Variants in GTF2E1 observed in about 807,000 individuals in gnomAD.
GTF2E1 encodes TFIIE alpha subunit.
Under a neutral mutation model 34.9 loss-of-function variants are expected in GTF2E1, and 14 were observed. The ratio of observed to expected loss-of-function variants is 0.40; its 90% CI spans 0.27 to 0.63. The LOEUF (loss-of-function observed/expected upper bound fraction) is 0.63, where lower values mean the gene tolerates loss of function less well. GTF2E1 is among the 20% of genes least tolerant of loss of function. The pLI, the probability that GTF2E1 is intolerant of heterozygous loss-of-function variation, is 0.39. For synonymous variants in GTF2E1, 188 were observed against 192.9 expected, an observed-to-expected ratio of 0.97 and a Z score of 0.21; for missense variants, 469 against 557.7, an observed-to-expected ratio of 0.84 and a Z score of 1.60.
At chr3:120,760,343 T>A (rs1277380473) in intron 2 of GTF2E1, among the ~76,000 whole-genome samples, 1 of 152,088 alleles carries the variant, frequency 6.6e-6, no homozygotes. Flanking sequence ...AACGATGGAG[T>A]TTTCTAAATA....
chr3:120,764,850 T>G (rs1361071083), intron 2 of GTF2E1, among the ~76,000 whole-genome samples: 1 of 152,146 alleles, frequency 6.6e-6, no homozygotes. Context: ...ATAATTACAG[T>G]GAGTAACATG....
chr3:120,751,432 T>C (rs1709164035), intron 2 of GTF2E1, among the ~76,000 whole-genome samples: 1 of 152,178 alleles, frequency 6.6e-6, no homozygotes. Flanking sequence ...GGGGAAGGCC[T>C]CTGGAAGAAG....
chr3:120,746,207 G>T (rs1353679078), intron 1 of GTF2E1, among the ~76,000 whole-genome samples: 1 of 152,122 alleles, frequency 6.6e-6, no homozygotes, highest in East Asian at 1.9e-4. Flanking sequence ...AAATAAAAGG[G>T]TTAGTTGAAA....
chr3:120,776,701 G>T (rs1378295903), intron 4 of GTF2E1, 37 bp downstream of exon 4: 15 of 1,578,682 alleles, frequency 9.5e-6, no homozygotes, highest in Non-Finnish European at 1.3e-5. Context: ...TGTGTCTTAG[G>T]TTCTGTAGAA....
intron 2 of GTF2E1, among the ~76,000 whole-genome samples, chr3:120,758,664 G>A (rs978912440): frequency 3.9e-5 from 6 of 152,032 alleles, no homozygotes; most frequent in African/African-American, 1.2e-4. Context: ...GAGTGAGAAC[G>A]TGAGGTGTTT....
At chr3:120,768,745 C>T (rs1709328550) in intron 2 of GTF2E1, among the ~76,000 whole-genome samples, 1 of 152,252 alleles carries the variant, frequency 6.6e-6, no homozygotes, top group East Asian at 1.9e-4. Flanking sequence ...GATTATATTC[C>T]TTGCTTCTGT....
intron 1 of GTF2E1, among the ~76,000 whole-genome samples, chr3:120,749,208 A>G (rs2107604910): frequency 6.6e-6 from 1 of 152,090 alleles, no homozygotes; most frequent in South Asian, 2.1e-4. Flanking sequence ...AACAGAGACA[A>G]TTTGACTTCC....
chr3:120,750,712 T>C lies in GTF2E1; in HGVS notation c.160T>C (p.Phe54Leu). Residue 54 changes from phenylalanine (F) to leucine (L), a missense_variant, in exon 2 of 5, where the codon TTT becomes CTT. Physicochemically the swap from Phe to Leu is conservative, Grantham distance 22. Transcript: ENST00000283875. ...KEEDMLELLK[F>L]DRKQLRSVLN... ...GGAGGATATGCTGGAGCTGCTCAAG[T>C]TTGATCGGAAGCAACTTCGATCAGT... 1.9e-6 allele frequency: 3 copies of C among 1,614,006 alleles called. No individual in the cohort carries two copies. The highest frequency in any genetic ancestry group is 2.5e-6 in the Non-Finnish European group (3 of 1,179,930).
At chr3:120,773,398 T>C (rs947828797) in intron 3 of GTF2E1, among the ~76,000 whole-genome samples, 8 of 152,256 alleles carry the variant, frequency 5.3e-5, no homozygotes, top group Non-Finnish European at 1.0e-4. Context: ...TTTTCTTTTT[T>C]TAAATAAGTG....
At chr3:120,775,691 A>T (rs766251718) in intron 3 of GTF2E1, among the ~76,000 whole-genome samples, 5 of 152,240 alleles carry the variant, frequency 3.3e-5, no homozygotes, top group Non-Finnish European at 7.3e-5. Context: ...CAGACAAAGA[A>T]GATCGTGGGT....
At position 120,776,532 on chromosome 3, in the gene GTF2E1, G is replaced by A. The variant is rs373430197; in HGVS notation, c.760G>A (p.Val254Ile). The change falls in exon 4 of 5, where the codon GTT becomes ATT. Residue 254 changes from valine (V) to isoleucine (I), a missense_variant. Transcript: ENST00000283875. ...CTATGAAGACTTATACACTCAGAAT[G>A]TTGTCATTAACATGGATGACCAAGA... ...PSYEDLYTQN[V>I]VINMDDQEDL... 2.0e-5 allele frequency: 32 copies of A among 1,613,906 alleles called. No individual in the cohort carries two copies. Among genetic ancestry groups the A allele is most frequent in the Non-Finnish European group, 2.7e-5 (32 of 1,179,948 alleles).
At chr3:120,770,262 T>C (rs980917401) in intron 2 of GTF2E1, among the ~76,000 whole-genome samples, 1 of 152,114 alleles carries the variant, frequency 6.6e-6, no homozygotes, top group Non-Finnish European at 1.5e-5. Context: ...TACAAATGGT[T>C]AATAAATTTT....
chr3:120,774,196 C>T (rs779972620), intron 3 of GTF2E1, among the ~76,000 whole-genome samples: 59 of 151,982 alleles, frequency 3.9e-4, no homozygotes, highest in Non-Finnish European at 4.4e-4. Context: ...CAGGGAGAAA[C>T]ATTTTGGGGT....
intron 2 of GTF2E1, among the ~76,000 whole-genome samples, chr3:120,768,458 A>G (rs756631813): frequency 3.9e-5 from 6 of 152,178 alleles, no homozygotes; most frequent in East Asian, 3.9e-4. Context: ...CTGTGTTTCT[A>G]TACTTTACCC....
Position 120,769,619 on chromosome 3 carries a change from G to A in GTF2E1, c.449-1109G>A, listed in dbSNP as rs1709336708. 2.0e-5 allele frequency among the ~76,000 whole-genome samples: 3 copies of A among 152,118 alleles called. No individual in the cohort carries two copies. The South Asian group carries it at 6.2e-4, about 31-fold the overall frequency. On this transcript the variant is annotated intron_variant, in intron 2 of 4. Transcript: ENST00000283875. Reference sequence around the variant, plus strand: ...AGCAGCAGTCACTTGTGCAAGATGGGATTTTTTGTGGTTTGCATGGAGTCC... The same window carrying A: ...AGCAGCAGTCACTTGTGCAAGATGGAATTTTTTGTGGTTTGCATGGAGTCC...
In GTF2E1 at chr3:120,746,515, G is replaced by C. The variant is rs186194737; in HGVS notation, c.-31+3721G>C. Among the ~76,000 whole-genome samples, 155 of 152,164 alleles carry C rather than the reference G, an allele frequency of 1.0e-3. No homozygotes were observed. In the East Asian group the frequency reaches 0.029, roughly 29 times the overall value. On this transcript the variant is annotated intron_variant, in intron 1 of 4. Transcript: ENST00000283875. ...AAAAAAAAAAAAAATTATCCTGTGG[G>C]CTGGGTGTGGTGGCTCACATCTGTA...
At chr3:120,780,934 T>G (rs1709441132) in intron 4 of GTF2E1, 109 bp from the exon 5 acceptor site, 1 of 720,682 alleles carries the variant, frequency 1.4e-6, no homozygotes, top group Non-Finnish European at 2.2e-6. Context: ...ACCAGTGAAG[T>G]CTGTTATTTT....
chr3:120,769,536 A>T (rs1709335887), intron 2 of GTF2E1, among the ~76,000 whole-genome samples: 1 of 152,278 alleles, frequency 6.6e-6, no homozygotes, highest in Admixed American at 6.5e-5. Context: ...GGGTATCTTC[A>T]TAAATCTTAT....
Position 120,781,703 on chromosome 3 carries a change from G to T in GTF2E1, c.*233G>T. On this transcript the variant is annotated 3_prime_UTR_variant, in exon 5 of 5. Transcript: ENST00000283875. ...GTCACTACAGTATTAATATTTTACT[G>T]TATTTTCTTTTCTTTTTTTTTTTTT... 5.2e-5 allele frequency: 20 copies of T among 382,132 alleles called. No individual in the cohort carries two copies. The highest frequency in any genetic ancestry group is 1.0e-4 in the South Asian group (2 of 19,618). 23.7% of individuals were successfully genotyped at this position (382,132 alleles called of 1,614,324 possible). A position where few individuals can be genotyped will look rare whatever the true frequency, so the allele number is the denominator to read the frequency against.
Sources: gnomAD v4.1 joint callset for allele counts (sites outside exome capture counted in the v4.1 genomes callset) on GRCh38, gnomAD v4.1.1 for gene constraint, MANE v1.5 for transcripts, NCBI Gene and HGNC (gene_info 2026-07-23, HGNC 2026-07-21) for gene names.